The following ADAMTSL1 variants were observed in gnomAD, a reference collection of about 807,000 sequenced individuals.
The protein encoded by ADAMTSL1 is ADAMTS like 1, also known as ADAMTS-like protein 1.
Under a neutral mutation model 201.8 loss-of-function variants are expected in ADAMTSL1, and 126 were observed. That is an observed-to-expected ratio of 0.62 (90% confidence interval 0.54 to 0.72). ADAMTSL1 has a LOEUF of 0.72. Among genes scored for constraint, ADAMTSL1 ranks in the 30% least tolerant of loss-of-function variants. The probability of loss-of-function intolerance (pLI) is 0.00; values close to 1 mark genes in which losing one functional copy is unlikely to be tolerated. For missense variants in ADAMTSL1, 2,679 were observed against 2,277.8 expected (o/e 1.18, Z -3.59); for synonymous variants, 1,121 against 903.4 (o/e 1.24, Z -4.32).
At chr9:18,182,026 A>G (rs1183003335) in intron 2 of ADAMTSL1, among the ~76,000 whole-genome samples, 2 of 151,990 alleles carry the variant, frequency 1.3e-5, no homozygotes, top group Non-Finnish European at 2.9e-5. Context: ...TTCTCAGTAA[A>G]CTATTGCAAG....
chr9:18,734,943 C>G (rs1818419803), intron 15 of ADAMTSL1, among the ~76,000 whole-genome samples: 1 of 152,064 alleles, frequency 6.6e-6, no homozygotes. Flanking sequence ...TCTCAGTGAC[C>G]AGGAAGCTGA....
At chr9:18,180,341 G>T (rs1177864424) in intron 2 of ADAMTSL1, among the ~76,000 whole-genome samples, 2 of 151,924 alleles carry the variant, frequency 1.3e-5, no homozygotes, top group African/African-American at 2.4e-5. Context: ...AGACCATCCC[G>T]GCTAAAACGG....
chr9:18,679,384 G>T (rs1830313636), intron 10 of ADAMTSL1, among the ~76,000 whole-genome samples: 1 of 151,976 alleles, frequency 6.6e-6, no homozygotes, highest in Non-Finnish European at 1.5e-5. Flanking sequence ...CAATGTTTCT[G>T]TTTTTAGAAA....
intron 23 of ADAMTSL1, among the ~76,000 whole-genome samples, chr9:18,848,896 T>C (rs1315691324): frequency 6.6e-6 from 1 of 152,226 alleles, no homozygotes; most frequent in Non-Finnish European, 1.5e-5. Flanking sequence ...GCCATTCCCT[T>C]TGATAATATC....
chr9:18,264,390 C>T (rs915617461), intron 2 of ADAMTSL1, among the ~76,000 whole-genome samples: 2 of 152,122 alleles, frequency 1.3e-5, no homozygotes, highest in Admixed American at 1.3e-4. Flanking sequence ...TGTATACCAG[C>T]CCTGACTCCT....
At chr9:18,344,087 T>C (rs1384508707) in intron 2 of ADAMTSL1, among the ~76,000 whole-genome samples, 1 of 152,168 alleles carries the variant, frequency 6.6e-6, no homozygotes, top group Non-Finnish European at 1.5e-5. Flanking sequence ...CTAAAGGCTG[T>C]CTATGCAGTC....
At chr9:18,648,076 T>C (rs1411729417) in intron 7 of ADAMTSL1, among the ~76,000 whole-genome samples, 1 of 147,354 alleles carries the variant, frequency 6.8e-6, no homozygotes, top group Non-Finnish European at 1.5e-5. Context: ...TGCTCCTGTA[T>C]TGGGTGCATA....
intron 1 of ADAMTSL1, among the ~76,000 whole-genome samples, chr9:17,969,151 C>G (rs1020774530): frequency 3.3e-5 from 5 of 151,970 alleles, no homozygotes; most frequent in Non-Finnish European, 5.9e-5. Context: ...CAGACACTAA[C>G]TGCATAAAAA....
At chr9:18,243,766 C>G (rs928687188) in intron 2 of ADAMTSL1, among the ~76,000 whole-genome samples, 13 of 150,142 alleles carry the variant, frequency 8.7e-5, no homozygotes, top group Non-Finnish European at 1.9e-4. Context: ...GCATGCATAC[C>G]CCAAGGCTTC....
At chr9:18,224,930 A>AT (rs897001606) in intron 2 of ADAMTSL1, among the ~76,000 whole-genome samples, 1 of 151,646 alleles carries the variant, frequency 6.6e-6, no homozygotes, top group African/African-American at 2.4e-5. Flanking sequence ...ATTTTTTCCC[A>AT]TTTTTTTCCA....
intron 3 of ADAMTSL1, among the ~76,000 whole-genome samples, chr9:18,570,798 A>T (rs1020243649): frequency 2.0e-5 from 3 of 152,224 alleles, no homozygotes; most frequent in Admixed American, 6.5e-5. Context: ...CCCTACAAAA[A>T]TATGGGTGGA....
chr9:17,979,805 C>T (rs1818613260), intron 1 of ADAMTSL1, among the ~76,000 whole-genome samples: 1 of 152,064 alleles, frequency 6.6e-6, no homozygotes, highest in South Asian at 2.1e-4. Context: ...TTAGCCCTTC[C>T]AGGGATTCTG....
intron 3 of ADAMTSL1, among the ~76,000 whole-genome samples, chr9:18,570,459 A>C (rs1473118923): frequency 6.6e-6 from 1 of 152,206 alleles, no homozygotes; most frequent in African/African-American, 2.4e-5. Flanking sequence ...ACTATGCTTG[A>C]AATGTTTTGG....
At chr9:18,379,967 C>T (rs750737562) in intron 2 of ADAMTSL1, among the ~76,000 whole-genome samples, 3 of 152,124 alleles carry the variant, frequency 2.0e-5, no homozygotes, top group Admixed American at 1.3e-4. Flanking sequence ...AAAGCACATA[C>T]GGAATGGGAT....
At chr9:18,564,104 G>A (rs373762377) in intron 3 of ADAMTSL1, among the ~76,000 whole-genome samples, 14 of 152,254 alleles carry the variant, frequency 9.2e-5, no homozygotes, top group African/African-American at 3.1e-4. Flanking sequence ...TTAAACGGCC[G>A]CCCAGTTTTG....
chr9:17,972,983 T>C (rs986855707), intron 1 of ADAMTSL1, among the ~76,000 whole-genome samples: 2 of 149,484 alleles, frequency 1.3e-5, no homozygotes, highest in African/African-American at 2.5e-5. Context: ...TGTGTATTCA[T>C]ATCCTTCACC....
At chr9:17,961,295 C>T (rs1563920831) in intron 1 of ADAMTSL1, among the ~76,000 whole-genome samples, 2 of 152,064 alleles carry the variant, frequency 1.3e-5, no homozygotes, top group Admixed American at 6.6e-5. Context: ...GTTGCCCAGG[C>T]TGGAGTGTAA....
chr9:18,473,499 C>A (rs1244958861), upstream of ADAMTSL1, among the ~76,000 whole-genome samples: 1 of 152,072 alleles, frequency 6.6e-6, no homozygotes, highest in Non-Finnish European at 1.5e-5. Context: ...CAAATTAAGT[C>A]CTTAATAACA....
At chr9:18,194,199 T>C (rs1308743103) in intron 2 of ADAMTSL1, among the ~76,000 whole-genome samples, 1 of 152,074 alleles carries the variant, frequency 6.6e-6, no homozygotes, top group East Asian at 1.9e-4. Context: ...GTCTCCTCCT[T>C]TGACCGTGGG....
Sources: allele counts gnomAD v4.1 joint callset (sites outside exome capture counted in the v4.1 genomes callset), GRCh38; gene constraint gnomAD v4.1.1; transcripts MANE v1.5; gene names NCBI Gene and HGNC (gene_info 2026-07-23, HGNC 2026-07-21).